PCDHGB4: variants seen among roughly 807,000 people sequenced by gnomAD.
PCDHGB4 encodes protocadherin gamma-B4.
Under a neutral mutation model 60.5 loss-of-function variants are expected in PCDHGB4, and 38 were observed. That is an observed-to-expected ratio of 0.63 (90% CI 0.48 to 0.82). PCDHGB4 has a LOEUF of 0.82. Ranked by LOEUF, PCDHGB4 falls within the 40% of genes least tolerant of loss-of-function variation. PCDHGB4 has a pLI of 0.00. For synonymous variants in PCDHGB4, 456 were observed against 509.7 expected (o/e 0.89, Z 1.42); for missense variants, 1,109 against 1,209.6 (o/e 0.92, Z 1.23).
Position 141,394,739 on chromosome 5 carries a change from C to A in PCDHGB4, c.2397+4458C>A, listed in dbSNP as rs377359689. 7.4e-6 allele frequency: 12 copies of A among 1,613,272 alleles called. No individual in the cohort carries two copies. In the African/African-American group the frequency reaches 1.2e-4, roughly 16 times the overall value. ...ACAGAGATGCGCTCAAGCAGAGCCT[C>A]GTGGTGGCCGTCCAGGACCATGGCC... On this transcript the variant is annotated intron_variant, in intron 1 of 3. Coordinates refer to ENST00000519479, the MANE Select transcript of PCDHGB4 (RefSeq NM_003736.4).
chr5:141,427,832 T>C, intron 1 of PCDHGB4: 1 of 1,540,264 alleles, frequency 6.5e-7, no homozygotes, highest in Non-Finnish European at 8.9e-7. Flanking sequence ...TCGCGCAGCG[T>C]GCCTTCGACC....
At position 141,414,787 on chromosome 5, in the gene PCDHGB4, G is replaced by C. The variant is rs372484037; in HGVS notation, c.2397+24506G>C. ...TCATGAGCTACAGATGCAGGTGACA[G>C]CCAGCGACAGCGGGGATCCTCCACT... On this transcript the variant is annotated intron_variant, in intron 1 of 3. Coordinates refer to ENST00000519479, the MANE Select transcript of PCDHGB4 (RefSeq NM_003736.4). 12 of 1,614,230 alleles carry C rather than the reference G, an allele frequency of 7.4e-6. No homozygotes were observed. The highest frequency in any genetic ancestry group is 2.2e-5 in the East Asian group (1 of 44,874).
In PCDHGB4 at chr5:141,388,019, C is replaced by T. The variant is rs1218468252; in HGVS notation, c.135C>T (p.Ser45=). Residue 45 remains serine, a synonymous_variant, in exon 1 of 4, where the codon TCC becomes TCT. Transcript: ENST00000519479. The part of the protein sequence containing the change: ...YRIPEEMPKG[S]VVGNLATDLG... ...TTCCCGAGGAAATGCCCAAGGGCTC[C>T]GTAGTGGGGAACCTCGCCACGGACC... 4.1e-6 allele frequency: 6 copies of T among 1,458,652 alleles called. 1 individual carries two copies. The highest frequency in any genetic ancestry group is 2.4e-4 in the Middle Eastern group (1 of 4,164). 90.4% of individuals were successfully genotyped at this position (1,458,652 alleles called of 1,614,324 possible). A position where few individuals can be genotyped will look rare whatever the true frequency, so the allele number is the denominator to read the frequency against.
intron 1 of PCDHGB4, chr5:141,419,971 C>T (rs1254783575): frequency 1.2e-6 from 2 of 1,613,942 alleles, no homozygotes; most frequent in African/African-American, 2.7e-5. Context: ...TGCTCTTTCT[C>T]CTCGCGGTGA....
intron 1 of PCDHGB4, among the ~76,000 whole-genome samples, chr5:141,445,834 T>G (rs1310067225): frequency 6.6e-6 from 1 of 152,218 alleles, no homozygotes; most frequent in Middle Eastern, 3.2e-3. Context: ...GGGAGAGCCT[T>G]GTAAATCACA....
intron 1 of PCDHGB4, chr5:141,421,734 G>T: frequency 6.2e-7 from 1 of 1,613,948 alleles, no homozygotes; most frequent in Non-Finnish European, 8.5e-7. Flanking sequence ...ACTCCCTCCA[G>T]AGCTACCAGC....
intron 1 of PCDHGB4, chr5:141,423,722 G>T: frequency 1.0e-6 from 1 of 954,174 alleles, no homozygotes; most frequent in Non-Finnish European, 1.3e-6. Flanking sequence ...TTAAGGAGAT[G>T]TTTTTTGAGC....
chr5:141,414,351 G>C (rs771256149), intron 1 of PCDHGB4: 2 of 1,613,676 alleles, frequency 1.2e-6, no homozygotes, highest in Non-Finnish European at 1.7e-6. Context: ...CCATTTTGGC[G>C]TATCTACCAT....
Position 141,476,387 on chromosome 5 carries a change from C to G in PCDHGB4, c.2398-18420C>G, listed in dbSNP as rs147660262. Reference sequence around the variant, plus strand: ...GACCGGAGAGATGTTTGTGAACGACCGTCTGGATCGAGAGGAGCTGTGTGG... The same window carrying G: ...GACCGGAGAGATGTTTGTGAACGACGGTCTGGATCGAGAGGAGCTGTGTGG... On this transcript the variant is annotated intron_variant, in intron 1 of 3. Coordinates refer to ENST00000519479, the MANE Select transcript of PCDHGB4 (RefSeq NM_003736.4). The surrounding 1 kb of genome is among the most constrained non-coding windows in gnomAD (Gnocchi z 7.6). 3.6e-4 allele frequency: 587 copies of G among 1,614,076 alleles called. No individual in the cohort carries two copies. The highest frequency in any genetic ancestry group is 4.7e-4 in the Non-Finnish European group (549 of 1,180,024).
chr5:141,487,029 T>C lies in PCDHGB4; in HGVS notation c.2398-7778T>C. 1.2e-6 allele frequency: 2 copies of C among 1,614,226 alleles called. No individual in the cohort carries two copies. Among genetic ancestry groups the C allele is most frequent in the Non-Finnish European group, 1.7e-6 (2 of 1,180,040 alleles). ...CTGGAGGCCCCAGATCCCAGCCTGT[T>C]TGCAGTCTCTCGATATGCTGGGGAG... is the stretch of plus-strand genomic sequence containing the variant. On this transcript the variant is annotated intron_variant, in intron 1 of 3. Coordinates refer to ENST00000519479, the MANE Select transcript of PCDHGB4 (RefSeq NM_003736.4). The surrounding 1 kb of genome is among the most constrained non-coding windows in gnomAD (Gnocchi z 5.0).
In PCDHGB4 at chr5:141,492,559, C is replaced by A. The variant is rs533830391; in HGVS notation, c.2398-2248C>A. ...GGGCTGGGCCGGGTCGCCTGGGGGG[C>A]GGCCTGAGCGAGGCGCGGGGCCAGG... On this transcript the variant is annotated intron_variant, in intron 1 of 3. Coordinates refer to ENST00000519479, the MANE Select transcript of PCDHGB4 (RefSeq NM_003736.4). 2.6e-5 allele frequency among the ~76,000 whole-genome samples: 4 copies of A among 152,292 alleles called. No individual in the cohort carries two copies. The East Asian group carries it at 7.7e-4, about 29-fold the overall frequency.
intron 1 of PCDHGB4, among the ~76,000 whole-genome samples, chr5:141,484,030 T>G (rs1290301073): frequency 6.6e-6 from 1 of 151,022 alleles, no homozygotes; most frequent in African/African-American, 2.4e-5. Flanking sequence ...TGAGATCAAG[T>G]CTCCAGCTCC....
chr5:141,403,604 G>C, intron 1 of PCDHGB4: 2 of 1,613,768 alleles, frequency 1.2e-6, no homozygotes, highest in Non-Finnish European at 1.7e-6. Flanking sequence ...CTCGGATGGC[G>C]GCGAGCCGCG....
chr5:141,428,013 C>T, intron 1 of PCDHGB4: 4 of 1,603,660 alleles, frequency 2.5e-6, no homozygotes, highest in Non-Finnish European at 3.4e-6. Flanking sequence ...CGATATAGTG[C>T]CACGCGCCGC....
intron 1 of PCDHGB4, chr5:141,390,867 C>CGT (rs61319619): frequency 0.024 from 3,656 of 151,102 alleles, 86 homozygotes; most frequent in African/African-American, 0.056. Flanking sequence ...GCTGTGTGTG[C>CGT]GTGTGTGTGT....
At chr5:141,496,759 C>T (rs1287940646) in intron 2 of PCDHGB4, among the ~76,000 whole-genome samples, 2 of 152,038 alleles carry the variant, frequency 1.3e-5, no homozygotes, top group South Asian at 4.2e-4. Context: ...AAATATTTAT[C>T]GAGCATCTAC....
intron 1 of PCDHGB4, among the ~76,000 whole-genome samples, chr5:141,460,508 G>C (rs1390313220): frequency 6.6e-6 from 1 of 152,040 alleles, no homozygotes; most frequent in East Asian, 1.9e-4. Context: ...TGCTGAGAAG[G>C]CTATCTTTTC....
intron 2 of PCDHGB4, among the ~76,000 whole-genome samples, chr5:141,499,083 C>G (rs2099789346): frequency 6.6e-6 from 1 of 152,082 alleles, no homozygotes; most frequent in African/African-American, 2.4e-5. Flanking sequence ...GAAGTTCCTG[C>G]TTGGCACATG....
chr5:141,407,981 C>G, intron 1 of PCDHGB4: 4 of 770,010 alleles, frequency 5.2e-6, no homozygotes, highest in Non-Finnish European at 7.8e-6. Flanking sequence ...GCCGGGGATC[C>G]GTCAGCCTCT....
Sources: gnomAD v4.1 joint callset for allele counts (sites outside exome capture counted in the v4.1 genomes callset) on GRCh38, gnomAD v4.1.1 for gene constraint, Gnocchi (gnomAD v3.1) non-coding constraint, MANE v1.5 for transcripts, NCBI Gene and HGNC (gene_info 2026-07-23, HGNC 2026-07-21) for gene names.